Variants in PPP2R5E observed in about 807,000 individuals in gnomAD.
PPP2R5E encodes serine/threonine-protein phosphatase 2A 56 kDa regulatory subunit epsilon isoform.
Under a neutral mutation model 65.3 loss-of-function variants are expected in PPP2R5E, and 4 were observed. The observed-to-expected ratio is 0.06, with a 90% CI of 0.03 to 0.14. The LOEUF is 0.14. Among genes scored for constraint, PPP2R5E ranks in the 10% least tolerant of loss-of-function variants. The probability of loss-of-function intolerance (pLI) is 1.00; values close to 1 mark genes in which losing one functional copy is unlikely to be tolerated. For missense variants in PPP2R5E, 274 were observed against 556.1 expected (o/e 0.49, Z 5.10); for synonymous variants, 183 against 187.4 (o/e 0.98, Z 0.19).
rs1054745788 is a variant in PPP2R5E at position 63,482,887 on chromosome 14, T to C, written c.158-29002A>G. Reference sequence around the variant, plus strand: ...TCCTTGAACAAATAATTTTGAGCATTTTCTAGGGCTCAGACACTGTTCTAG... The same window carrying C: ...TCCTTGAACAAATAATTTTGAGCATCTTCTAGGGCTCAGACACTGTTCTAG... On this transcript the variant is annotated intron_variant, in intron 2 of 13. Transcript: ENST00000337537. 7.2e-5 allele frequency among the ~76,000 whole-genome samples: 11 copies of C among 152,262 alleles called. No homozygotes were observed. The East Asian group carries it at 2.1e-3, about 29-fold the overall frequency.
chr14:63,412,354 A>T (rs574208753), intron 5 of PPP2R5E, among the ~76,000 whole-genome samples: 1 of 152,266 alleles, frequency 6.6e-6, no homozygotes, highest in Non-Finnish European at 1.5e-5. Flanking sequence ...GAAGCTTAAC[A>T]TAAGTTGGCA....
chr14:63,408,007 A>C (rs970769036), intron 5 of PPP2R5E, among the ~76,000 whole-genome samples: 2 of 152,260 alleles, frequency 1.3e-5, no homozygotes, highest in Admixed American at 6.5e-5. Context: ...GCAGCACAAA[A>C]GAACTAAGAC....
chr14:63,382,422 A>G (rs2139747603), intron 12 of PPP2R5E, among the ~76,000 whole-genome samples: 1 of 149,898 alleles, frequency 6.7e-6, no homozygotes, highest in South Asian at 2.1e-4. Flanking sequence ...TTTTTTTGCA[A>G]CGGAGTTTCG....
At chr14:63,416,072 A>G (rs1238349334) in intron 4 of PPP2R5E, among the ~76,000 whole-genome samples, 1 of 152,260 alleles carries the variant, frequency 6.6e-6, no homozygotes, top group African/African-American at 2.4e-5. Flanking sequence ...TCTGATAAAC[A>G]GTGGGGAATC....
intron 2 of PPP2R5E, among the ~76,000 whole-genome samples, chr14:63,531,690 A>G (rs1306271550): frequency 6.6e-6 from 1 of 151,954 alleles, no homozygotes; most frequent in Non-Finnish European, 1.5e-5. Context: ...GCGGTGGCTC[A>G]TGCCTGTAAT....
chr14:63,428,909 T>C (rs1223687228), intron 3 of PPP2R5E, among the ~76,000 whole-genome samples: 1 of 152,222 alleles, frequency 6.6e-6, no homozygotes. Flanking sequence ...ATGATTTTGA[T>C]TGGCATTTTG....
chr14:63,486,370 T>C (rs1890997986), intron 2 of PPP2R5E, among the ~76,000 whole-genome samples: 1 of 151,284 alleles, frequency 6.6e-6, no homozygotes. Context: ...TTCTTCATGA[T>C]GCTCACAAGT....
chr14:63,418,876 T>C (rs1437492220), intron 4 of PPP2R5E, among the ~76,000 whole-genome samples: 1 of 145,078 alleles, frequency 6.9e-6, no homozygotes, highest in Non-Finnish European at 1.5e-5. Flanking sequence ...TGAGATGGTC[T>C]CGCTCTGTTG....
intron 2 of PPP2R5E, among the ~76,000 whole-genome samples, chr14:63,530,975 A>C (rs1893407657): frequency 6.6e-6 from 1 of 152,184 alleles, no homozygotes; most frequent in Admixed American, 6.5e-5. Context: ...TACAGAAGCA[A>C]ACTATTAGGA....
intron 2 of PPP2R5E, among the ~76,000 whole-genome samples, chr14:63,519,044 G>C (rs564144920): frequency 2.0e-5 from 3 of 152,116 alleles, no homozygotes; most frequent in Admixed American, 1.3e-4. Flanking sequence ...GAGAAACCCC[G>C]TCTCTACTAA....
chr14:63,483,489 G>C (rs1890813902), intron 2 of PPP2R5E, among the ~76,000 whole-genome samples: 1 of 152,180 alleles, frequency 6.6e-6, no homozygotes, highest in Non-Finnish European at 1.5e-5. Flanking sequence ...AGAATAAATA[G>C]CCCGTGCAGA....
At chr14:63,451,840 T>A (rs1888850647) in intron 3 of PPP2R5E, 1 of 152,064 alleles carries the variant, frequency 6.6e-6, no homozygotes, top group Non-Finnish European at 1.5e-5. Context: ...ATATGAGAAA[T>A]CTCTGTACTT....
In PPP2R5E at chr14:63,516,500, A is replaced by C. The variant is rs79317568; in HGVS notation, c.157+23029T>G. Reference sequence around the variant, plus strand: ...TCATATTCTAAGCCACCTGCTGCAAAGATACTTTCACAAAACTCCTAGCAA... The same window carrying C: ...TCATATTCTAAGCCACCTGCTGCAACGATACTTTCACAAAACTCCTAGCAA... On this transcript the variant is annotated intron_variant, in intron 2 of 13. Coordinates refer to ENST00000337537, the MANE Select transcript of PPP2R5E (RefSeq NM_006246.5). Among the ~76,000 whole-genome samples, 1,049 of 152,342 alleles carry C rather than the reference A, an allele frequency of 6.9e-3. 64 individuals are homozygous for C. In the East Asian group the frequency reaches 0.15, roughly 21 times the overall value.
chr14:63,486,293 TACACACACAC>T (rs374427574), intron 2 of PPP2R5E, among the ~76,000 whole-genome samples: 2,125 of 128,020 alleles, frequency 0.017, 52 homozygotes, highest in African/African-American at 0.062. Flanking sequence ...CTTTCCCCAT[TACACACACAC>T]ACACACACAC....
rs201593214 is a variant in PPP2R5E at position 63,523,743 on chromosome 14, T to TAAAA, written c.157+15782_157+15785dup. 1.9e-4 allele frequency among the ~76,000 whole-genome samples: 24 copies of TAAAA among 128,422 alleles called. No homozygotes were observed. In the Admixed American group the frequency reaches 1.9e-3, roughly 10 times the overall value. The allele number at this position is 128,422 out of a possible 152,430, so 84.2% of individuals were successfully genotyped here. A position where few individuals can be genotyped will look rare whatever the true frequency, so the allele number is the denominator to read the frequency against. ...AAAAAAAAAAACAAAGGTTACACGC[T>TAAAA]AAAAAAAAAAAAAAAATTAATTTGA... On this transcript the variant is annotated intron_variant, in intron 2 of 13. Coordinates refer to ENST00000337537, the MANE Select transcript of PPP2R5E (RefSeq NM_006246.5).
chr14:63,527,924 GAA>G (rs397806689), intron 2 of PPP2R5E, among the ~76,000 whole-genome samples: 26 of 123,222 alleles, frequency 2.1e-4, no homozygotes, highest in Admixed American at 2.1e-3. Context: ...GACAATGTAA[GAA>G]AAAAAAAAAA....
chr14:63,411,560 T>C (rs1242753280), intron 5 of PPP2R5E, among the ~76,000 whole-genome samples: 1 of 150,354 alleles, frequency 6.7e-6, no homozygotes, highest in Non-Finnish European at 1.5e-5. Context: ...ATCTGGATCA[T>C]GGAGGTATGG....
intron 2 of PPP2R5E, among the ~76,000 whole-genome samples, chr14:63,484,347 T>TCACACA (rs199749451): frequency 0.035 from 4,948 of 139,618 alleles, 96 homozygotes; most frequent in Middle Eastern, 0.068. Flanking sequence ...TCTCTCTCTC[T>TCACACA]CACACACACA....
intron 3 of PPP2R5E, among the ~76,000 whole-genome samples, chr14:63,430,346 T>TATACATACATACATACATGCATGCATGC (rs1887570314): frequency 1.5e-5 from 2 of 135,238 alleles, no homozygotes; most frequent in East Asian, 4.2e-4. Context: ...AAAACCCATG[T>TATACATACATACATACATGCATGCATGC]ATACATACAT....
Sources: gnomAD v4.1 joint callset for allele counts (sites outside exome capture counted in the v4.1 genomes callset) on GRCh38, gnomAD v4.1.1 for gene constraint, MANE v1.5 for transcripts, NCBI Gene and HGNC (gene_info 2026-07-23, HGNC 2026-07-21) for gene names.